Variants in PCDH7 observed in about 807,000 individuals in gnomAD.
The protein encoded by PCDH7 is protocadherin 7, also known as protocadherin-7.
Under a neutral mutation model 58.9 loss-of-function variants are expected in PCDH7, and 17 were observed. That is an observed-to-expected ratio of 0.29 (90% CI 0.20 to 0.43). The LOEUF (loss-of-function observed/expected upper bound fraction) is 0.43, where lower values mean the gene tolerates loss of function less well. PCDH7 is among the 20% of genes least tolerant of loss of function. The pLI is 1.00. For missense variants in PCDH7, 1,274 were observed against 1,441.0 expected, an observed-to-expected ratio of 0.88 and a Z score of 1.88; for synonymous variants, 664 against 616.4, an observed-to-expected ratio of 1.08 and a Z score of -1.14.
exon 1 of PCDH7, chr4:30,724,303 G>A (rs866163700): frequency 1.2e-6 from 2 of 1,613,942 alleles, no homozygotes; most frequent in Non-Finnish European, 1.7e-6. Context: ...TAAGCCAAAT[G>A]GACAGAGGTA....
At chr4:30,959,974 C>G (rs1297628661) in intron 3 of PCDH7, among the ~76,000 whole-genome samples, 1 of 151,896 alleles carries the variant, frequency 6.6e-6, no homozygotes, top group South Asian at 2.1e-4. Flanking sequence ...GATAGTCTAA[C>G]CACTCTGTAT....
intron 1 of PCDH7, among the ~76,000 whole-genome samples, chr4:30,758,927 T>G (rs1042936832): frequency 6.7e-6 from 1 of 148,926 alleles, no homozygotes; most frequent in Non-Finnish European, 1.5e-5. Flanking sequence ...TTTTTGTATT[T>G]ATTTGAAGAA....
At chr4:31,145,764 G>T (rs940256451), downstream of PCDH7, 1 of 152,072 alleles carries the variant, frequency 6.6e-6, no homozygotes, top group Non-Finnish European at 1.5e-5. Flanking sequence ...AGATGAAAGC[G>T]TTTATTGTAA....
intron 1 of PCDH7, among the ~76,000 whole-genome samples, chr4:30,841,310 T>C (rs2109338620): frequency 6.6e-6 from 1 of 152,270 alleles, no homozygotes; most frequent in South Asian, 2.1e-4. Context: ...CCGGAGGTTT[T>C]TATAGGGGAA....
chr4:31,056,458 G>GGAA (rs1757195412), intron 3 of PCDH7, among the ~76,000 whole-genome samples: 1 of 83,156 alleles, frequency 1.2e-5, no homozygotes, highest in Non-Finnish European at 2.2e-5. Flanking sequence ...AAGAAAGAAA[G>GGAA]AAGAAAGAAA....
chr4:30,928,881 C>T (rs1260534052), intron 2 of PCDH7, among the ~76,000 whole-genome samples: 1 of 152,060 alleles, frequency 6.6e-6, no homozygotes, highest in African/African-American at 2.4e-5. Context: ...GTTACTGTTA[C>T]CTTTTTATGT....
chr4:30,995,356 C>A (rs530046476), intron 3 of PCDH7, among the ~76,000 whole-genome samples: 5 of 151,974 alleles, frequency 3.3e-5, no homozygotes, highest in African/African-American at 1.2e-4. Flanking sequence ...ACTAAAAATA[C>A]AAAAAATTAG....
At chr4:30,902,386 A>G (rs1414256310) in intron 1 of PCDH7, among the ~76,000 whole-genome samples, 2 of 152,118 alleles carry the variant, frequency 1.3e-5, no homozygotes, top group Non-Finnish European at 2.9e-5. Context: ...AGCAGTTGTC[A>G]TTTAAAAAAA....
In PCDH7 at chr4:30,901,646, C is replaced by T. The variant is rs137945333; in HGVS notation, c.71-18507C>T. On this transcript the variant is annotated intron_variant, in intron 1 of 3. Transcript: ENST00000509759. Reference sequence around the variant, plus strand: ...ATGGAAGGTGAACTACATACCTTTTCCCTTACAATTGGCTTAAATGTAACC... The same window carrying T: ...ATGGAAGGTGAACTACATACCTTTTTCCTTACAATTGGCTTAAATGTAACC... Among the ~76,000 whole-genome samples, 38 of 152,208 alleles carry T rather than the reference C, an allele frequency of 2.5e-4. 1 individual carries two copies. In the East Asian group the frequency reaches 6.7e-3, roughly 27 times the overall value.
chr4:30,934,951 A>G (rs1745146226), intron 2 of PCDH7, among the ~76,000 whole-genome samples: 1 of 152,128 alleles, frequency 6.6e-6, no homozygotes, highest in Admixed American at 6.5e-5. Context: ...AATTATGATA[A>G]TAACTGCCCT....
At chr4:30,769,406 C>A (rs1345791019) in intron 1 of PCDH7, among the ~76,000 whole-genome samples, 35 of 152,192 alleles carry the variant, frequency 2.3e-4, no homozygotes, top group Non-Finnish European at 5.9e-5. Flanking sequence ...TCTTTCCTAG[C>A]TTTTTTCACT....
At chr4:30,817,510 G>A (rs1475468107) in intron 1 of PCDH7, among the ~76,000 whole-genome samples, 2 of 152,150 alleles carry the variant, frequency 1.3e-5, no homozygotes, top group African/African-American at 4.8e-5. Context: ...CAATAAATAA[G>A]TAGGTGTGAA....
At chr4:30,864,454 C>T (rs1292495740) in intron 1 of PCDH7, among the ~76,000 whole-genome samples, 1 of 151,724 alleles carries the variant, frequency 6.6e-6, no homozygotes, top group Non-Finnish European at 1.5e-5. Context: ...CACACACACA[C>T]ACACACACAC....
chr4:30,983,689 A>T (rs1037966514), intron 3 of PCDH7, among the ~76,000 whole-genome samples: 1 of 152,184 alleles, frequency 6.6e-6, no homozygotes, highest in African/African-American at 2.4e-5. Context: ...GGCCATAATC[A>T]GTATGCATTC....
intron 3 of PCDH7, among the ~76,000 whole-genome samples, chr4:31,070,879 G>C (rs1014814689): frequency 2.0e-5 from 3 of 152,066 alleles, no homozygotes; most frequent in African/African-American, 7.2e-5. Flanking sequence ...ATAGGTATTT[G>C]TTAATGCAGT....
intron 1 of PCDH7, among the ~76,000 whole-genome samples, chr4:30,858,493 A>G (rs188459560): frequency 9.2e-5 from 14 of 152,208 alleles, no homozygotes; most frequent in Non-Finnish European, 1.6e-4. Context: ...GTGAGGATAA[A>G]CTTATTCTAA....
At chr4:31,100,335 A>G (rs547577633) in intron 3 of PCDH7, among the ~76,000 whole-genome samples, 14 of 152,230 alleles carry the variant, frequency 9.2e-5, no homozygotes, top group Non-Finnish European at 1.2e-4. Flanking sequence ...TCAAACAAAA[A>G]TGTAAAAGAA....
intron 1 of PCDH7, among the ~76,000 whole-genome samples, chr4:30,761,823 T>C (rs2109269366): frequency 1.3e-5 from 2 of 152,324 alleles, no homozygotes; most frequent in South Asian, 4.1e-4. Context: ...GAATTAGATA[T>C]GCTATTTAAT....
At chr4:30,834,702 G>A (rs1303339378) in intron 1 of PCDH7, among the ~76,000 whole-genome samples, 1 of 151,046 alleles carries the variant, frequency 6.6e-6, no homozygotes, top group Non-Finnish European at 1.5e-5. Flanking sequence ...CAAGACATTT[G>A]TGTAAACAAG....
Sources: gnomAD v4.1 joint callset for allele counts (sites outside exome capture counted in the v4.1 genomes callset) on GRCh38, gnomAD v4.1.1 for gene constraint, MANE v1.5 for transcripts, NCBI Gene and HGNC (gene_info 2026-07-23, HGNC 2026-07-21) for gene names.